KIAA0319: variants seen among roughly 807,000 people sequenced by gnomAD.
KIAA0319 encodes the protein KIAA0319, also known as dyslexia-associated protein KIAA0319.
In KIAA0319, 83 loss-of-function variants were observed where a neutral mutation model predicts 108.4. The ratio of observed to expected loss-of-function variants is 0.77; its 90% CI spans 0.64 to 0.92. The LOEUF (loss-of-function observed/expected upper bound fraction) is 0.92. Among genes scored for constraint, KIAA0319 ranks in the 40% least tolerant of loss-of-function variants. The probability of loss-of-function intolerance (pLI) is 0.00; values close to 1 mark genes in which losing one functional copy is unlikely to be tolerated. For synonymous variants in KIAA0319, 484 were observed against 510.4 expected (o/e 0.95, Z 0.70); for missense variants, 1,195 against 1,322.4 (o/e 0.90, Z 1.49).
intron 20 of KIAA0319, among the ~76,000 whole-genome samples, chr6:24,549,059 C>T (rs145156954): frequency 0.016 from 2,422 of 152,112 alleles, 73 homozygotes; most frequent in African/African-American, 0.055. Context: ...TGGTGGCCCA[C>T]ACCTGTAATC....
intron 2 of KIAA0319, chr6:24,598,287 G>A: frequency 1.5e-6 from 1 of 650,064 alleles, no homozygotes; most frequent in East Asian, 2.9e-5. Flanking sequence ...CCAACATCCA[G>A]GCCATGTGCA....
At chr6:24,570,755 T>C (rs1223798466) in intron 11 of KIAA0319, among the ~76,000 whole-genome samples, 3 of 151,732 alleles carry the variant, frequency 2.0e-5, no homozygotes, top group East Asian at 1.9e-4. Context: ...GGAGGGGACG[T>C]TGATGTGAAG....
chr6:24,583,084 G>A, intron 5 of KIAA0319: 1 of 985,326 alleles, frequency 1.0e-6, no homozygotes, highest in Non-Finnish European at 1.2e-6. Context: ...CATTTGACAG[G>A]CCACAGGTCC....
intron 1 of KIAA0319, among the ~76,000 whole-genome samples, chr6:24,630,704 C>T (rs12178072): frequency 0.53 from 63,301 of 119,342 alleles, 14,045 homozygotes; most frequent in East Asian, 0.7. Context: ...TATATATATA[C>T]ACATATACAC....
chr6:24,602,787 C>T (rs975376142), intron 1 of KIAA0319, among the ~76,000 whole-genome samples: 8 of 151,364 alleles, frequency 5.3e-5, no homozygotes, highest in South Asian at 4.1e-4. Flanking sequence ...GGCTACACAG[C>T]GAGACCCCGT....
intron 3 of KIAA0319, among the ~76,000 whole-genome samples, chr6:24,590,572 C>T (rs757872091): frequency 9.2e-5 from 14 of 152,168 alleles, no homozygotes; most frequent in African/African-American, 2.9e-4. Context: ...TATACTGGGG[C>T]CTCTGCAAAT....
intron 13 of KIAA0319, among the ~76,000 whole-genome samples, chr6:24,568,339 A>C (rs1484398113): frequency 6.6e-6 from 1 of 152,268 alleles, no homozygotes; most frequent in Admixed American, 6.5e-5. Flanking sequence ...AAAGACACTC[A>C]GGCAGTTCAC....
intron 17 of KIAA0319, 34 bp downstream of exon 17, chr6:24,558,979 C>A: frequency 6.3e-7 from 1 of 1,576,260 alleles, no homozygotes. Context: ...ATTGGCAAGT[C>A]TGATTGTTTT....
chr6:24,600,032 CAAA>C (rs35713930), intron 2 of KIAA0319, among the ~76,000 whole-genome samples: 48 of 147,910 alleles, frequency 3.2e-4, no homozygotes, highest in South Asian at 8.5e-4. Flanking sequence ...GCCAACTGCC[CAAA>C]AAAAAAAAAA....
downstream of KIAA0319, among the ~76,000 whole-genome samples, chr6:24,540,985 A>G (rs1760177179): frequency 1.3e-5 from 2 of 152,196 alleles, no homozygotes; most frequent in Admixed American, 1.3e-4. Flanking sequence ...TGATCACATC[A>G]ATAGTTAGAT....
Position 24,596,108 on chromosome 6 carries a change from G to T in KIAA0319, c.566C>A (p.Pro189Gln). The change falls in exon 3 of 21, where the codon CCG becomes CAG. Residue 189 changes from proline (P) to glutamine (Q), a missense_variant. Coordinates refer to ENST00000378214, the MANE Select transcript of KIAA0319 (RefSeq NM_014809.4). ...SAEYTDWGLL[P>Q]GSEGAFNSSV... is the part of the protein sequence containing the mutation. Reference sequence around the variant, plus strand: ...GGAGTTGAAGGCCCCCTCGCTGCCCGGCAGTAGGCCCCAGTCCGTGTACTC... The same window carrying T: ...GGAGTTGAAGGCCCCCTCGCTGCCCTGCAGTAGGCCCCAGTCCGTGTACTC... 6.2e-7 allele frequency: 1 copy of T among 1,612,922 alleles called. No individual in the cohort carries two copies. Among genetic ancestry groups the T allele is most frequent in the Non-Finnish European group, 8.5e-7 (1 of 1,179,636 alleles).
At chr6:24,629,378 G>A (rs934841667) in intron 1 of KIAA0319, among the ~76,000 whole-genome samples, 3 of 151,768 alleles carry the variant, frequency 2.0e-5, no homozygotes, top group Non-Finnish European at 4.4e-5. Flanking sequence ...AGCCAGGTGC[G>A]GTGGCAGGCG....
At chr6:24,609,290 G>GA (rs1011247669) in intron 1 of KIAA0319, among the ~76,000 whole-genome samples, 79 of 91,478 alleles carry the variant, frequency 8.6e-4, no homozygotes, top group Non-Finnish European at 1.0e-3. Context: ...AAAAAAAAAA[G>GA]AAAAAAAAAA....
At position 24,583,668 on chromosome 6, in the gene KIAA0319, T is replaced by C. The variant is rs758360030; in HGVS notation, c.1029A>G (p.Leu343=). The change falls in exon 5 of 21, where the codon CTA becomes CTG. Residue 343 remains leucine (L), a synonymous_variant. Transcript: ENST00000378214. ...CTTCATTGTCGGGTAAAGTTATAAT[T>C]AGGTTATCTCCAGCCGATACCGTAA... ...KELTVSAGDN[L]IITLPDNEVE... The C allele has an allele frequency of 5.6e-6, 9 of 1,613,582 alleles. No homozygotes were observed. The highest frequency in any genetic ancestry group is 2.2e-5 in the East Asian group (1 of 44,866).
At chr6:24,572,980 G>A (rs1764942696) in intron 10 of KIAA0319, among the ~76,000 whole-genome samples, 1 of 152,082 alleles carries the variant, frequency 6.6e-6, no homozygotes, top group African/African-American at 2.4e-5. Flanking sequence ...AATCAGCTGG[G>A]CATGATGGCG....
intron 18 of KIAA0319, 72 bp from the exon 19 acceptor site, chr6:24,554,703 T>G: frequency 3.7e-6 from 4 of 1,087,528 alleles, no homozygotes; most frequent in East Asian, 2.4e-5. Context: ...TGATGATTCA[T>G]AACAACTATT....
At chr6:24,564,481 C>T (rs1424552900) in intron 14 of KIAA0319, 141 bp from the exon 15 acceptor site, 18 of 1,041,120 alleles carry the variant, frequency 1.7e-5, no homozygotes, top group South Asian at 4.8e-5. Context: ...ATGAGGCTGG[C>T]GGGATAGCTA....
intron 11 of KIAA0319, among the ~76,000 whole-genome samples, chr6:24,570,273 A>ATGTG (rs1764515488): frequency 1.3e-5 from 2 of 152,154 alleles, no homozygotes; most frequent in African/African-American, 4.8e-5. Flanking sequence ...TAATAGACAC[A>ATGTG]TCTTTGGTTT....
chr6:24,614,797 A>G (rs1205335378), intron 1 of KIAA0319, among the ~76,000 whole-genome samples: 2 of 152,152 alleles, frequency 1.3e-5, no homozygotes, highest in African/African-American at 4.8e-5. Context: ...AGTTAGGTGT[A>G]GCAGAGTGAA....
Sources: gnomAD v4.1 joint callset for allele counts (sites outside exome capture counted in the v4.1 genomes callset) on GRCh38, gnomAD v4.1.1 for gene constraint, MANE v1.5 for transcripts, NCBI Gene and HGNC (gene_info 2026-07-23, HGNC 2026-07-21) for gene names.